PKP4: variants seen among roughly 807,000 people sequenced by gnomAD.
PKP4 encodes plakophilin-4.
Under a neutral mutation model 145.1 loss-of-function variants are expected in PKP4, and 90 were observed. The ratio of observed to expected loss-of-function variants is 0.62; its 90% CI spans 0.52 to 0.74. The LOEUF is 0.74. PKP4 is among the 30% of genes least tolerant of loss of function. PKP4 has a pLI of 0.00. For missense variants in PKP4, 1,340 were observed against 1,482.7 expected, an observed-to-expected ratio of 0.90 and a Z score of 1.58; for synonymous variants, 563 against 577.2, an observed-to-expected ratio of 0.98 and a Z score of 0.35.
chr2:158,585,038 C>A (rs558817898), intron 3 of PKP4, among the ~76,000 whole-genome samples: 7 of 151,986 alleles, frequency 4.6e-5, no homozygotes, highest in African/African-American at 1.7e-4. Context: ...AAAAATTGGG[C>A]CTTTTAATAA....
chr2:158,676,475 C>T (rs188875445), intron 19 of PKP4, among the ~76,000 whole-genome samples: 8 of 152,300 alleles, frequency 5.3e-5, no homozygotes, highest in Admixed American at 2.6e-4. Context: ...CCTCTTTAGC[C>T]GGGCAGCTTG....
At chr2:158,641,086 C>T (rs2054239168) in intron 10 of PKP4, among the ~76,000 whole-genome samples, 1 of 152,126 alleles carries the variant, frequency 6.6e-6, no homozygotes, top group Non-Finnish European at 1.5e-5. Context: ...CCTATAATCT[C>T]AGCACTTTGG....
intron 1 of PKP4, among the ~76,000 whole-genome samples, chr2:158,516,025 A>G (rs1474424042): frequency 1.4e-5 from 2 of 144,308 alleles, no homozygotes; most frequent in Non-Finnish European, 3.0e-5. Context: ...AGCCTGGGTG[A>G]CAGAGTGAGA....
intron 2 of PKP4, among the ~76,000 whole-genome samples, chr2:158,568,179 CA>C (rs1284744398): frequency 1.3e-5 from 2 of 151,862 alleles, no homozygotes; most frequent in Non-Finnish European, 2.9e-5. Context: ...ACTAAAAATA[CA>C]AAAAATATAT....
At chr2:158,529,189 C>G (rs1227136163) in intron 1 of PKP4, among the ~76,000 whole-genome samples, 1 of 152,168 alleles carries the variant, frequency 6.6e-6, no homozygotes, top group Non-Finnish European at 1.5e-5. Flanking sequence ...TTGCTCCAAC[C>G]TTTAATTTTG....
chr2:158,664,316 G>A (rs1023491736), intron 15 of PKP4, among the ~76,000 whole-genome samples: 1 of 152,186 alleles, frequency 6.6e-6, no homozygotes, highest in African/African-American at 2.4e-5. Flanking sequence ...TGTGTCTAAG[G>A]TTTCTGCATC....
At chr2:158,505,913 C>T (rs2040934575) in intron 1 of PKP4, among the ~76,000 whole-genome samples, 2 of 152,004 alleles carry the variant, frequency 1.3e-5, no homozygotes, top group South Asian at 4.2e-4. Context: ...GTGAAGAAGA[C>T]CATAAGTACA....
intron 1 of PKP4, among the ~76,000 whole-genome samples, chr2:158,480,628 C>T (rs549005217): frequency 1.3e-5 from 2 of 151,342 alleles, no homozygotes; most frequent in South Asian, 4.2e-4. Context: ...GAATAAAAAC[C>T]ACACCCGAGA....
intron 15 of PKP4, among the ~76,000 whole-genome samples, chr2:158,664,937 T>C (rs1382483335): frequency 5.0e-5 from 2 of 39,980 alleles, no homozygotes; most frequent in Non-Finnish European, 1.1e-4. Flanking sequence ...GAGGATCATT[T>C]GATGATAATA....
intron 1 of PKP4, among the ~76,000 whole-genome samples, chr2:158,461,124 C>A (rs1421134778): frequency 1.3e-5 from 2 of 152,132 alleles, no homozygotes; most frequent in Non-Finnish European, 1.5e-5. Flanking sequence ...AACAGTAATT[C>A]ATGTACTTGC....
At chr2:158,584,234 A>G (rs1409944354) in intron 3 of PKP4, among the ~76,000 whole-genome samples, 1 of 152,218 alleles carries the variant, frequency 6.6e-6, no homozygotes, top group Non-Finnish European at 1.5e-5. Flanking sequence ...TCATAATCCC[A>G]CAGATGGCAG....
chr2:158,517,811 G>C (rs1307809429), intron 1 of PKP4, among the ~76,000 whole-genome samples: 1 of 151,626 alleles, frequency 6.6e-6, no homozygotes, highest in Non-Finnish European at 1.5e-5. Flanking sequence ...CCAGCTCCTC[G>C]AGAAGCTGAG....
Position 158,663,095 on chromosome 2 carries a change from A to G in PKP4, c.2403+7A>G, listed in dbSNP as rs774201143. ...GACTCCGCAAGAAGATCAAGTTAGC[A>G]TTTTATTTTATATGAGACTCTCAAG... On this transcript the variant is annotated splice_region_variant and intron_variant, in intron 14 of 21. Transcript: ENST00000389759. 60 of 1,589,734 alleles carry G rather than the reference A, an allele frequency of 3.8e-5. No individual in the cohort carries two copies. Among genetic ancestry groups the G allele is most frequent in the Non-Finnish European group, 5.0e-5 (58 of 1,169,350 alleles).
chr2:158,492,747 C>T lies in PKP4; in HGVS notation c.-6+35529C>T, dbSNP rs562645523. Among the ~76,000 whole-genome samples the T allele has an allele frequency of 2.7e-3, 404 of 152,298 alleles. 2 individuals are homozygous for T. The highest frequency in any genetic ancestry group is 4.6e-3 in the Non-Finnish European group (316 of 68,026). On this transcript the variant is annotated intron_variant, in intron 1 of 21. Coordinates refer to ENST00000389759, the MANE Select transcript of PKP4 (RefSeq NM_003628.6). ...TTTCCAGCTGACCATTTTCCTCCTG[C>T]GTACCTTTTAACATTACTATTTTCT...
intron 1 of PKP4, among the ~76,000 whole-genome samples, chr2:158,488,288 C>G (rs1482432511): frequency 6.6e-6 from 1 of 152,190 alleles, no homozygotes; most frequent in African/African-American, 2.4e-5. Context: ...TTTAACACTT[C>G]CTAGGCGCCA....
chr2:158,474,445 T>C (rs536484093), intron 1 of PKP4, among the ~76,000 whole-genome samples: 1 of 152,352 alleles, frequency 6.6e-6, no homozygotes, highest in South Asian at 2.1e-4. Context: ...AAATCAGTTA[T>C]TGATGAGAAT....
intron 3 of PKP4, among the ~76,000 whole-genome samples, chr2:158,600,951 C>T (rs1348905493): frequency 1.3e-5 from 2 of 152,096 alleles, no homozygotes; most frequent in Non-Finnish European, 2.9e-5. Flanking sequence ...ATGCTGTTTG[C>T]TTGATTGTTA....
intron 1 of PKP4, among the ~76,000 whole-genome samples, chr2:158,491,305 A>G (rs1694900214): frequency 1.3e-5 from 2 of 151,920 alleles, no homozygotes; most frequent in African/African-American, 4.8e-5. Context: ...GACTATCAGT[A>G]CTCTTACTTT....
intron 2 of PKP4, among the ~76,000 whole-genome samples, chr2:158,567,015 G>C (rs1350641346): frequency 6.6e-6 from 1 of 152,202 alleles, no homozygotes; most frequent in East Asian, 1.9e-4. Context: ...TGCAGGACGT[G>C]ATGTCTGAGA....
Sources: allele counts gnomAD v4.1 joint callset (sites outside exome capture counted in the v4.1 genomes callset), GRCh38; gene constraint gnomAD v4.1.1; transcripts MANE v1.5; gene names NCBI Gene and HGNC (gene_info 2026-07-23, HGNC 2026-07-21).